BICC1: variants seen among roughly 807,000 people sequenced by gnomAD.
BICC1 encodes the protein BicC family RNA binding protein 1.
A neutral mutation model predicts 111.0 loss-of-function variants in BICC1; 43 were observed. The observed-to-expected ratio is 0.39, with a 90% CI of 0.30 to 0.50. The LOEUF is 0.50. Ranked by LOEUF, BICC1 falls within the 20% of genes least tolerant of loss-of-function variation. The pLI, the probability that BICC1 is intolerant of heterozygous loss-of-function variation, is 0.88. For synonymous variants in BICC1, 467 were observed against 434.4 expected (o/e 1.07, Z -0.93); for missense variants, 1,091 against 1,203.2 (o/e 0.91, Z 1.38).
At position 58,694,266 on chromosome 10, in the gene BICC1, ATG is replaced by A. The variant is rs1435891799; in HGVS notation, c.238-7807_238-7806del. Among the ~76,000 whole-genome samples the A allele has an allele frequency of 5.9e-5, 9 of 152,154 alleles. No individual in the cohort carries two copies. The East Asian group carries it at 1.4e-3, about 23-fold the overall frequency. On this transcript the variant is annotated intron_variant, in intron 2 of 20. Coordinates refer to ENST00000373886, the MANE Select transcript of BICC1 (RefSeq NM_001080512.3). ...TTTTTGTAAAATGCCACGTGGTTTTATGACTGGGAGACAAGGAGTCATCATGA... is the reference window on the plus strand; with the variant it reads ...TTTTTGTAAAATGCCACGTGGTTTTAACTGGGAGACAAGGAGTCATCATGA...
intron 1 of BICC1, among the ~76,000 whole-genome samples, chr10:58,604,663 ATAAAAT>A (rs1845151695): frequency 6.6e-6 from 1 of 152,214 alleles, no homozygotes; most frequent in Admixed American, 6.5e-5. Context: ...AAAAAATAAA[ATAAAAT>A]TAAGCAAAGC....
intron 1 of BICC1, among the ~76,000 whole-genome samples, chr10:58,563,698 A>G (rs1402786573): frequency 2.0e-5 from 3 of 152,156 alleles, no homozygotes; most frequent in Non-Finnish European, 4.4e-5. Context: ...TTTTGACTAC[A>G]TGTACTTTGA....
intron 3 of BICC1, chr10:58,715,644 C>A: frequency 6.2e-7 from 1 of 1,605,580 alleles, no homozygotes. Flanking sequence ...GCCAACAATA[C>A]AGGATTATCT....
At chr10:58,767,192 G>A (rs907392598) in intron 3 of BICC1, among the ~76,000 whole-genome samples, 1 of 152,042 alleles carries the variant, frequency 6.6e-6, no homozygotes, top group Non-Finnish European at 1.5e-5. Flanking sequence ...CAGGTGGTTT[G>A]TAGTCAGTTG....
intron 3 of BICC1, among the ~76,000 whole-genome samples, chr10:58,728,708 A>AATT (rs1003610695): frequency 1.3e-5 from 2 of 151,616 alleles, no homozygotes; most frequent in Non-Finnish European, 2.9e-5. Context: ...TTTCTTAAAT[A>AATT]ATAATAATAA....
intron 2 of BICC1, among the ~76,000 whole-genome samples, chr10:58,696,495 T>G (rs1840069590): frequency 6.6e-6 from 1 of 152,218 alleles, no homozygotes; most frequent in Admixed American, 6.5e-5. Context: ...AATTATTAGT[T>G]CCCTATAGGA....
chr10:58,514,259 T>G (rs1842181839), intron 1 of BICC1, among the ~76,000 whole-genome samples: 1 of 152,150 alleles, frequency 6.6e-6, no homozygotes, highest in South Asian at 2.1e-4. Context: ...GAGAAATGAG[T>G]TAGTTTGAAT....
chr10:58,560,289 G>A (rs2131946054), intron 1 of BICC1, among the ~76,000 whole-genome samples: 1 of 152,142 alleles, frequency 6.6e-6, no homozygotes, highest in Non-Finnish European at 1.5e-5. Context: ...GTTCAATCTT[G>A]ATAGGTTGTA....
chr10:58,677,620 C>G (rs1390494714), intron 2 of BICC1, among the ~76,000 whole-genome samples: 1 of 152,198 alleles, frequency 6.6e-6, no homozygotes, highest in African/African-American at 2.4e-5. Context: ...TTGGAAAACA[C>G]ACTTCAGGCT....
At chr10:58,746,184 C>T (rs1841832587) in intron 3 of BICC1, among the ~76,000 whole-genome samples, 1 of 152,058 alleles carries the variant, frequency 6.6e-6, no homozygotes, top group African/African-American at 2.4e-5. Context: ...ATCTACTTAG[C>T]TTTGAGACAT....
intron 3 of BICC1, among the ~76,000 whole-genome samples, chr10:58,774,293 CT>C (rs1184480340): frequency 6.6e-6 from 1 of 152,008 alleles, no homozygotes; most frequent in Admixed American, 6.6e-5. Context: ...AAAGAAGGAA[CT>C]TTTTTTTAGC....
chr10:58,708,834 C>T (rs1380252208), intron 3 of BICC1, among the ~76,000 whole-genome samples: 1 of 152,194 alleles, frequency 6.6e-6, no homozygotes, highest in Non-Finnish European at 1.5e-5. Context: ...GGCATTCACC[C>T]ATGCAAGCTT....
chr10:58,773,841 A>G (rs1482804967), intron 3 of BICC1, among the ~76,000 whole-genome samples: 1 of 152,192 alleles, frequency 6.6e-6, no homozygotes. Flanking sequence ...GCTTAACGTT[A>G]ATAGGCGGCT....
upstream of BICC1, among the ~76,000 whole-genome samples, chr10:58,512,719 T>A (rs1424312782): frequency 6.6e-6 from 1 of 151,812 alleles, no homozygotes; most frequent in Non-Finnish European, 1.5e-5. Flanking sequence ...GTGGTGTGTG[T>A]GTGCGCGCGC....
intron 1 of BICC1, among the ~76,000 whole-genome samples, chr10:58,605,707 G>A (rs1379756226): frequency 6.6e-6 from 1 of 152,118 alleles, no homozygotes; most frequent in Non-Finnish European, 1.5e-5. Flanking sequence ...ATACTGTATT[G>A]TTTAGAGAAT....
Position 58,799,130 on chromosome 10 carries a change from G to A in BICC1, c.1603G>A (p.Val535Met). ...ATLTNILLSG[V>M]PTYGHTAPSP... ...ATTAACTAATATTTTGTTGTCTGGAGTGCCCACCTATGGGCACACAGCTCC... is the reference window on the plus strand; with the variant it reads ...ATTAACTAATATTTTGTTGTCTGGAATGCCCACCTATGGGCACACAGCTCC... The change falls in exon 12 of 21, where the codon GTG becomes ATG. Residue 535 changes from valine to methionine, a missense_variant. Val to Met is a conservative substitution (Grantham distance 21). Around this residue, in one of 3 missense-constraint regions of BICC1, gnomAD observed 843 missense variants for 900.8 expected, o/e 0.94. Coordinates refer to ENST00000373886, the MANE Select transcript of BICC1 (RefSeq NM_001080512.3). 2.5e-6 allele frequency: 4 copies of A among 1,613,816 alleles called. No individual in the cohort carries two copies. The highest frequency in any genetic ancestry group is 3.4e-6 in the Non-Finnish European group (4 of 1,179,880).
chr10:58,646,109 C>A (rs900865106), intron 2 of BICC1, among the ~76,000 whole-genome samples: 17 of 151,166 alleles, frequency 1.1e-4, no homozygotes, highest in Admixed American at 1.1e-3. Flanking sequence ...TAGATCTGTC[C>A]ATTTCCTTAT....
chr10:58,653,846 C>A (rs1253728659), intron 2 of BICC1, among the ~76,000 whole-genome samples: 1 of 129,938 alleles, frequency 7.7e-6, no homozygotes, highest in Non-Finnish European at 1.6e-5. Context: ...CCCACCCCAC[C>A]ACAGTCCTCA....
At chr10:58,581,471 A>G (rs1307595717) in intron 1 of BICC1, among the ~76,000 whole-genome samples, 1 of 152,230 alleles carries the variant, frequency 6.6e-6, no homozygotes, top group Admixed American at 6.5e-5. Context: ...CCTTGAAAAG[A>G]AAAGAAAAAA....
Sources: allele counts gnomAD v4.1 joint callset (sites outside exome capture counted in the v4.1 genomes callset), GRCh38; gene constraint gnomAD v4.1.1; regional missense constraint gnomAD v4.1.1; transcripts MANE v1.5; gene names NCBI Gene and HGNC (gene_info 2026-07-23, HGNC 2026-07-21).